Variants in ABCB1 observed in about 807,000 individuals in gnomAD.
ABCB1 encodes ATP binding cassette subfamily B member 1.
A neutral mutation model predicts 142.0 loss-of-function variants in ABCB1; 69 were observed. The observed-to-expected ratio is 0.49, with a 90% CI of 0.40 to 0.59. The LOEUF is 0.59. Among genes scored for constraint, ABCB1 ranks in the 20% least tolerant of loss-of-function variants. The probability of loss-of-function intolerance (pLI) is 0.00; values close to 1 mark genes in which losing one functional copy is unlikely to be tolerated. For missense variants in ABCB1, 1,326 were observed against 1,554.7 expected, an observed-to-expected ratio of 0.85 and a Z score of 2.47; for synonymous variants, 532 against 539.2, an observed-to-expected ratio of 0.99 and a Z score of 0.18.
intron 1 of ABCB1, chr7:87,710,680 A>G (rs531934112): frequency 1.5e-6 from 2 of 1,303,404 alleles, no homozygotes; most frequent in Non-Finnish European, 2.2e-6. Flanking sequence ...TTAATTTTCT[A>G]ATATATATTT....
At chr7:87,693,845 T>A in intron 1 of ABCB1, 2 of 1,541,268 alleles carry the variant, frequency 1.3e-6, no homozygotes, top group Non-Finnish European at 8.8e-7. Flanking sequence ...AGTTTGGAAC[T>A]GTAAACATGA....
chr7:87,523,349 TG>T (rs1815615585), intron 21 of ABCB1, among the ~76,000 whole-genome samples: 1 of 152,146 alleles, frequency 6.6e-6, no homozygotes, highest in African/African-American at 2.4e-5. Flanking sequence ...AGTTTTGGGC[TG>T]GGTATGGTGG....
rs183479447 is a variant in ABCB1, at chr7:87,579,589, T to G, written c.286+5923A>C. Among the ~76,000 whole-genome samples, 49 of 152,090 alleles carry G rather than the reference T, an allele frequency of 3.2e-4. No individual in the cohort carries two copies. In the East Asian group the frequency reaches 5.4e-3, roughly 17 times the overall value. Reference sequence around the variant, plus strand: ...TGGTCTTAAATAATATTTTAATGTGTTTTTTTTAATCCATTCAGCCACTCT... The same window carrying G: ...TGGTCTTAAATAATATTTTAATGTGGTTTTTTTAATCCATTCAGCCACTCT... On this transcript the variant is annotated intron_variant, in intron 4 of 27. Transcript: ENST00000622132.
chr7:87,551,710 A>C (rs1363727777), intron 9 of ABCB1, among the ~76,000 whole-genome samples: 2 of 152,306 alleles, frequency 1.3e-5, no homozygotes, highest in East Asian at 1.9e-4. Flanking sequence ...CATACTAAAA[A>C]TATTTTGGAA....
chr7:87,536,425 T>G, intron 20 of ABCB1, 33 bp downstream of exon 20: 1 of 1,611,172 alleles, frequency 6.2e-7, no homozygotes, highest in Non-Finnish European at 8.5e-7. Context: ...AATGGCCAAT[T>G]AAGACAAACA....
chr7:87,644,139 G>A (rs967031003), intron 1 of ABCB1, among the ~76,000 whole-genome samples: 4 of 152,232 alleles, frequency 2.6e-5, no homozygotes, highest in Admixed American at 2.0e-4. Context: ...GATTACAGGC[G>A]TGAGCCACCG....
chr7:87,524,203 T>A (rs1003104002), intron 21 of ABCB1, among the ~76,000 whole-genome samples: 1 of 152,068 alleles, frequency 6.6e-6, no homozygotes, highest in African/African-American at 2.4e-5. Context: ...CAAAAACTTA[T>A]TTAAAAATAA....
At chr7:87,562,929 T>C (rs1035215530) in intron 7 of ABCB1, among the ~76,000 whole-genome samples, 2 of 152,002 alleles carry the variant, frequency 1.3e-5, no homozygotes, top group African/African-American at 4.8e-5. Context: ...AGAAACCCCA[T>C]CTCTACAAAA....
At chr7:87,703,885 C>CTT in intron 1 of ABCB1, among the ~76,000 whole-genome samples, 28 of 60,300 alleles carry the variant, frequency 4.6e-4, no homozygotes, top group East Asian at 1.0e-3. Context: ...TCAGTTTTTT[C>CTT]TTTTTTTTTT....
chr7:87,650,713 T>C (rs1375788587), intron 1 of ABCB1: 1 of 697,774 alleles, frequency 1.4e-6, no homozygotes, highest in African/African-American at 1.8e-5. Context: ...TGTTATACTC[T>C]TGTAAAATAT....
In ABCB1 at chr7:87,509,315, T is replaced by C. The variant is rs2117067325; in HGVS notation, c.3449A>G (p.Lys1150Arg). The C allele has an allele frequency of 6.2e-7, 1 of 1,614,180 alleles. No individual in the cohort carries two copies. The highest frequency in any genetic ancestry group is 1.3e-5 in the African/African-American group (1 of 75,028). ...VSQEEIVRAA[K>R]EANIHAFIES... ...GATGAAGGCATGTATGTTGGCCTCC[T>C]TTGCTGCCCTCACAATCTCTTCCTG... The change falls in exon 26 of 28, where the codon AAG becomes AGG. Residue 1150 changes from lysine (K) to arginine (R), a missense_variant. By Grantham distance (26) the Lys-to-Arg change is conservative (BLOSUM62 2). Coordinates refer to ENST00000622132, the MANE Select transcript of ABCB1 (RefSeq NM_001348946.2).
intron 1 of ABCB1, among the ~76,000 whole-genome samples, chr7:87,665,211 A>C (rs548525276): frequency 4.5e-4 from 69 of 152,296 alleles, no homozygotes; most frequent in Non-Finnish European, 7.8e-4. Flanking sequence ...TAAATACCAA[A>C]AAATGGTTAG....
chr7:87,600,188 G>T lies in ABCB1; in HGVS notation c.-4C>A. 6.2e-7 allele frequency: 1 copy of T among 1,613,688 alleles called. No homozygotes were observed. ...TGCGGTCCCCTTCAAGATCCATTCC[G>T]ACCTGAAGAGAAACCGCAGCTCATT... is the stretch of plus-strand genomic sequence containing the variant. On this transcript the variant is annotated splice_region_variant and 5_prime_UTR_variant, in exon 2 of 28. Transcript: ENST00000622132.
At chr7:87,629,704 G>T (rs1821004593) in intron 1 of ABCB1, among the ~76,000 whole-genome samples, 1 of 151,870 alleles carries the variant, frequency 6.6e-6, no homozygotes, top group Non-Finnish European at 1.5e-5. Context: ...GAGGCGGGCG[G>T]ATCACGAGGT....
At chr7:87,525,993 G>A (rs982366822) in intron 21 of ABCB1, among the ~76,000 whole-genome samples, 1 of 152,128 alleles carries the variant, frequency 6.6e-6, no homozygotes, top group South Asian at 2.1e-4. Context: ...GCCAGATTGC[G>A]TAAAGTTAGT....
chr7:87,693,488 G>T (rs559210060), intron 1 of ABCB1, among the ~76,000 whole-genome samples: 1 of 152,246 alleles, frequency 6.6e-6, no homozygotes, highest in South Asian at 2.1e-4. Context: ...GAGCCATATA[G>T]TTCCAAAGTG....
chr7:87,507,391 C>T (rs954003107), intron 26 of ABCB1, among the ~76,000 whole-genome samples: 5 of 152,354 alleles, frequency 3.3e-5, no homozygotes, highest in South Asian at 2.1e-4. Context: ...GCTCTTAAAA[C>T]GTGGATTGCT....
chr7:87,577,472 T>G (rs1818317138), intron 4 of ABCB1, among the ~76,000 whole-genome samples: 1 of 152,190 alleles, frequency 6.6e-6, no homozygotes, highest in South Asian at 2.1e-4. Flanking sequence ...TTCCATTTTT[T>G]GAGGAACCCC....
intron 1 of ABCB1, chr7:87,700,341 A>C: frequency 8.0e-7 from 1 of 1,243,320 alleles, no homozygotes; most frequent in South Asian, 1.5e-5. Flanking sequence ...TTTATTTTTC[A>C]GAATTTTATT....
Sources: gnomAD v4.1 joint callset for allele counts (sites outside exome capture counted in the v4.1 genomes callset) on GRCh38, gnomAD v4.1.1 for gene constraint, MANE v1.5 for transcripts, NCBI Gene and HGNC (gene_info 2026-07-23, HGNC 2026-07-21) for gene names.